Variants in ASIC2 observed in about 807,000 individuals in gnomAD.
ASIC2 encodes acid sensing ion channel subunit 2.
Under a neutral mutation model 57.3 loss-of-function variants are expected in ASIC2, and 25 were observed. That is an observed-to-expected ratio of 0.44 (90% CI 0.32 to 0.61). The LOEUF (loss-of-function observed/expected upper bound fraction) is 0.61, where lower values mean the gene tolerates loss of function less well. Among genes scored for constraint, ASIC2 ranks in the 20% least tolerant of loss-of-function variants. The pLI is 0.06. For missense variants in ASIC2, 641 were observed against 738.1 expected, an observed-to-expected ratio of 0.87 and a Z score of 1.52; for synonymous variants, 319 against 307.5, an observed-to-expected ratio of 1.04 and a Z score of -0.39.
chr17:33,748,923 A>T (rs1910346408), intron 1 of ASIC2, among the ~76,000 whole-genome samples: 2 of 152,134 alleles, frequency 1.3e-5, no homozygotes, highest in Admixed American at 1.3e-4. Context: ...CCACGGAAAC[A>T]TCTCCCCAGC....
rs116317026 is a variant in ASIC2, at chr17:33,984,744, C to T, written c.555+171234G>A. 9.4e-3 allele frequency among the ~76,000 whole-genome samples: 1,436 copies of T among 152,250 alleles called. 17 individuals carry two copies. Among genetic ancestry groups the T allele is most frequent in the African/African-American group, 0.033 (1,372 of 41,534 alleles). ...GATGGAAACACCAGTCCATTTGATC[C>T]TAAGCAAGGCATGGGCTCTTGACAC... On this transcript the variant is annotated intron_variant, in intron 1 of 9. Coordinates refer to the ASIC2 transcript ENST00000359872.
chr17:33,589,172 C>A (rs766985080), intron 1 of ASIC2, among the ~76,000 whole-genome samples: 2 of 152,316 alleles, frequency 1.3e-5, no homozygotes, highest in South Asian at 4.1e-4. Context: ...GAAGAGGACA[C>A]AGACCATAGT....
chr17:33,429,431 C>T (rs1007831247), intron 1 of ASIC2, among the ~76,000 whole-genome samples: 1 of 151,960 alleles, frequency 6.6e-6, no homozygotes, highest in African/African-American at 2.4e-5. Flanking sequence ...CGCTCTGTCG[C>T]CCAGGCTGGA....
At chr17:33,881,472 C>G (rs1914698995) in intron 1 of ASIC2, among the ~76,000 whole-genome samples, 1 of 152,116 alleles carries the variant, frequency 6.6e-6, no homozygotes, top group Non-Finnish European at 1.5e-5. Context: ...CAATAACAGA[C>G]AAACAGAGAG....
chr17:33,239,286 G>A (rs888419594), intron 1 of ASIC2, among the ~76,000 whole-genome samples: 7 of 150,428 alleles, frequency 4.7e-5, no homozygotes, highest in African/African-American at 7.3e-5. Flanking sequence ...GTGAGACTCC[G>A]TCTCAAAAAA....
At chr17:33,960,717 G>A (rs1782916510) in intron 1 of ASIC2, among the ~76,000 whole-genome samples, 1 of 152,090 alleles carries the variant, frequency 6.6e-6, no homozygotes, top group South Asian at 2.1e-4. Context: ...CCTCTTCCTT[G>A]AGCATGCTTC....
intron 1 of ASIC2, among the ~76,000 whole-genome samples, chr17:33,210,136 C>T (rs966880968): frequency 4.6e-5 from 7 of 152,170 alleles, no homozygotes; most frequent in Non-Finnish European, 7.3e-5. Flanking sequence ...TTCCCCACGT[C>T]GCCCATGTTT....
At position 33,905,261 on chromosome 17, in the gene ASIC2, T is replaced by C. The variant is rs372956782; in HGVS notation, c.555+250717A>G. Among the ~76,000 whole-genome samples the C allele has an allele frequency of 3.4e-5, 5 of 148,826 alleles. No individual in the cohort carries two copies. In the East Asian group the frequency reaches 1.0e-3, roughly 31 times the overall value. ...GTGGCAGAACTGGAATTAGAATTCA[T>C]ACCAGCATGGCTCTAAAGCTCCTGC... On this transcript the variant is annotated intron_variant, in intron 1 of 9. Coordinates refer to the ASIC2 transcript ENST00000359872.
intron 1 of ASIC2, among the ~76,000 whole-genome samples, chr17:33,130,176 T>C (rs1009379833): frequency 6.6e-6 from 1 of 152,128 alleles, no homozygotes; most frequent in African/African-American, 2.4e-5. Context: ...AGCACAAAAA[T>C]TTCCCAAAAC....
chr17:33,517,322 G>A (rs1364385572), intron 1 of ASIC2, among the ~76,000 whole-genome samples: 1 of 152,138 alleles, frequency 6.6e-6, no homozygotes, highest in East Asian at 1.9e-4. Context: ...CACCATGTTG[G>A]CCAGGCTGGT....
chr17:33,798,776 T>G (rs1311328350), intron 1 of ASIC2, among the ~76,000 whole-genome samples: 1 of 152,168 alleles, frequency 6.6e-6, no homozygotes, highest in Non-Finnish European at 1.5e-5. Context: ...CACTATCTAA[T>G]GCAAATCAAT....
intron 1 of ASIC2, among the ~76,000 whole-genome samples, chr17:34,067,071 G>A (rs558745176): frequency 1.2e-4 from 19 of 152,320 alleles, no homozygotes; most frequent in African/African-American, 3.6e-4. Flanking sequence ...GCACGTGTCC[G>A]TCTCTCATAC....
chr17:33,535,274 CTTTT>C (rs1312834562), intron 1 of ASIC2, among the ~76,000 whole-genome samples: 3 of 138,526 alleles, frequency 2.2e-5, no homozygotes, highest in Admixed American at 7.3e-5. Context: ...AATGTCGCTT[CTTTT>C]TTTTTTTTTT....
chr17:33,994,885 G>A (rs1475278982), intron 1 of ASIC2, among the ~76,000 whole-genome samples: 2 of 151,726 alleles, frequency 1.3e-5, no homozygotes, highest in Non-Finnish European at 2.9e-5. Flanking sequence ...GGACAATGCA[G>A]AAAAAAAACG....
At chr17:33,982,999 C>T (rs1905680768) in intron 1 of ASIC2, among the ~76,000 whole-genome samples, 1 of 152,146 alleles carries the variant, frequency 6.6e-6, no homozygotes, top group African/African-American at 2.4e-5. Context: ...AGGTGTGCAC[C>T]AAATCTTTGT....
intron 1 of ASIC2, among the ~76,000 whole-genome samples, chr17:33,432,947 G>A (rs564320025): frequency 4.5e-4 from 69 of 152,306 alleles, no homozygotes; most frequent in Admixed American, 2.6e-3. Context: ...CTTACGCACC[G>A]TTGGTGGGAG....
chr17:33,439,930 G>C (rs549887433), intron 1 of ASIC2, among the ~76,000 whole-genome samples: 1 of 152,342 alleles, frequency 6.6e-6, no homozygotes, highest in Non-Finnish European at 1.5e-5. Flanking sequence ...AGGTGACCTG[G>C]TAAAGGCAAT....
chr17:33,903,465 A>G (rs929817084), intron 1 of ASIC2, among the ~76,000 whole-genome samples: 31 of 152,372 alleles, frequency 2.0e-4, no homozygotes, highest in Non-Finnish European at 2.6e-4. Flanking sequence ...GTAAGTTTGG[A>G]AAACACTGCA....
chr17:33,294,009 C>T (rs553292463), upstream of ASIC2, among the ~76,000 whole-genome samples: 1 of 152,208 alleles, frequency 6.6e-6, no homozygotes, highest in South Asian at 2.1e-4. Flanking sequence ...ATCCTCCCCT[C>T]AGCCTCTTAG....
Sources: allele counts gnomAD v4.1 joint callset (sites outside exome capture counted in the v4.1 genomes callset), GRCh38; gene constraint gnomAD v4.1.1; transcripts MANE v1.5; gene names NCBI Gene and HGNC (gene_info 2026-07-23, HGNC 2026-07-21).